SND1: variants seen among roughly 807,000 people sequenced by gnomAD.
SND1 encodes the protein staphylococcal nuclease and tudor domain containing 1, also known as staphylococcal nuclease domain-containing protein 1.
A neutral mutation model predicts 121.7 loss-of-function variants in SND1; 38 were observed. The observed-to-expected ratio is 0.31, with a 90% confidence interval of 0.24 to 0.41. SND1 has a LOEUF of 0.41. Among genes scored for constraint, SND1 ranks in the 10% least tolerant of loss-of-function variants. The pLI is 1.00. For missense variants in SND1, 868 were observed against 1,184.6 expected (o/e 0.73, Z 3.92); for synonymous variants, 401 against 447.4 (o/e 0.90, Z 1.31).
At chr7:127,682,901 C>T (rs941002293) in intron 1 of SND1, among the ~76,000 whole-genome samples, 1 of 152,134 alleles carries the variant, frequency 6.6e-6, no homozygotes, top group African/African-American at 2.4e-5. Flanking sequence ...AAAATTATAA[C>T]AATAATCAAC....
chr7:127,942,575 G>A (rs1052830418), intron 15 of SND1, among the ~76,000 whole-genome samples: 17 of 152,270 alleles, frequency 1.1e-4, no homozygotes, highest in African/African-American at 3.6e-4. Context: ...GTCTGTGTTT[G>A]TGCCATTTTG....
intron 12 of SND1, among the ~76,000 whole-genome samples, chr7:127,876,487 G>C (rs1008183686): frequency 2.6e-5 from 4 of 152,172 alleles, no homozygotes; most frequent in African/African-American, 4.8e-5. Context: ...GGTGCTGAGA[G>C]TATGATGGTC....
intron 3 of SND1, among the ~76,000 whole-genome samples, chr7:127,697,792 G>T (rs1180022903): frequency 6.6e-6 from 1 of 152,186 alleles, no homozygotes; most frequent in Admixed American, 6.5e-5. Context: ...GTGGGGCGGT[G>T]TATGTACCTG....
intron 16 of SND1, among the ~76,000 whole-genome samples, chr7:128,058,230 C>T (rs1314127684): frequency 1.3e-5 from 2 of 152,280 alleles, no homozygotes; most frequent in Admixed American, 6.5e-5. Context: ...CCTAGGTACA[C>T]TCAACATACG....
intron 10 of SND1, among the ~76,000 whole-genome samples, chr7:127,739,395 T>G (rs1354293599): frequency 6.6e-6 from 1 of 152,164 alleles, no homozygotes; most frequent in Non-Finnish European, 1.5e-5. Flanking sequence ...TTTATTTATT[T>G]TATTGTCTTT....
chr7:127,862,316 G>A (rs1418763847), intron 12 of SND1, among the ~76,000 whole-genome samples: 1 of 152,182 alleles, frequency 6.6e-6, no homozygotes, highest in Admixed American at 6.5e-5. Flanking sequence ...TTGATTACCA[G>A]GACTCTCGTC....
At chr7:127,977,717 A>G (rs2116896205) in intron 15 of SND1, among the ~76,000 whole-genome samples, 1 of 152,322 alleles carries the variant, frequency 6.6e-6, no homozygotes, top group South Asian at 2.1e-4. Flanking sequence ...AGGTAGATCG[A>G]TCAGAAGATT....
chr7:128,009,764 T>A (rs981762604), intron 16 of SND1, among the ~76,000 whole-genome samples: 3 of 147,766 alleles, frequency 2.0e-5, no homozygotes, highest in African/African-American at 7.3e-5. Flanking sequence ...GAGTGTGTTT[T>A]CTCAATAACT....
intron 1 of SND1, 71 bp downstream of exon 1, chr7:127,652,522 C>A: frequency 7.9e-7 from 1 of 1,267,356 alleles, no homozygotes; most frequent in Non-Finnish European, 1.1e-6. Context: ...ACTCCACCTT[C>A]CGCCAGCCTG....
intron 10 of SND1, among the ~76,000 whole-genome samples, chr7:127,746,735 A>T (rs1038839697): frequency 1.3e-5 from 2 of 152,140 alleles, no homozygotes; most frequent in African/African-American, 4.8e-5. Context: ...CTTAGGCTAG[A>T]AAACTGATGT....
At chr7:127,764,056 A>AAAAC (rs1554422864) in intron 10 of SND1, among the ~76,000 whole-genome samples, 3,230 of 134,818 alleles carry the variant, frequency 0.024, 121 homozygotes, top group Middle Eastern at 0.049. Flanking sequence ...AAAAAAACAA[A>AAAAC]AAAACAAAAA....
intron 1 of SND1, among the ~76,000 whole-genome samples, chr7:127,653,795 G>C (rs1400772048): frequency 6.6e-6 from 1 of 152,208 alleles, no homozygotes; most frequent in Non-Finnish European, 1.5e-5. Context: ...AGATTCTTGG[G>C]ATTTTCAGTA....
At chr7:128,064,044 T>A (rs911318704) in intron 16 of SND1, among the ~76,000 whole-genome samples, 6 of 148,344 alleles carry the variant, frequency 4.0e-5, no homozygotes, top group Non-Finnish European at 9.0e-5. Context: ...GATTGGGAAA[T>A]TTTTTTTTTT....
chr7:127,926,989 G>A (rs571421971), intron 14 of SND1, among the ~76,000 whole-genome samples: 14 of 152,208 alleles, frequency 9.2e-5, no homozygotes, highest in African/African-American at 3.1e-4. Flanking sequence ...GAATAGAGCT[G>A]TTGAGTTGTG....
intron 15 of SND1, among the ~76,000 whole-genome samples, chr7:127,941,831 T>G (rs1369309162): frequency 6.6e-6 from 1 of 152,020 alleles, no homozygotes; most frequent in Admixed American, 6.6e-5. Context: ...TATTTTAGTC[T>G]CTTTTTTAGC....
At chr7:127,875,255 A>G (rs1799667852) in intron 12 of SND1, among the ~76,000 whole-genome samples, 1 of 152,110 alleles carries the variant, frequency 6.6e-6, no homozygotes, top group Non-Finnish European at 1.5e-5. Context: ...GCCAATAAAT[A>G]TTTATTGAGT....
intron 16 of SND1, among the ~76,000 whole-genome samples, chr7:128,022,204 CAAAA>C (rs58371490): frequency 2.7e-5 from 2 of 74,148 alleles, no homozygotes; most frequent in African/African-American, 4.3e-5. Flanking sequence ...GACTCTCTCT[CAAAA>C]AAAAAAAAAA....
At chr7:127,707,436 A>G (rs1796220544) in intron 8 of SND1, 121 bp from the exon 9 acceptor site, 1 of 659,306 alleles carries the variant, frequency 1.5e-6, no homozygotes, top group Non-Finnish European at 2.7e-6. Context: ...TTTGACTGGT[A>G]GTCTTTCTTC....
intron 15 of SND1, among the ~76,000 whole-genome samples, chr7:127,943,604 G>T (rs1032341294): frequency 3.9e-5 from 6 of 152,286 alleles, no homozygotes; most frequent in African/African-American, 1.4e-4. Context: ...CTGGTCAGCT[G>T]TGCCTATGAG....
Sources: allele counts gnomAD v4.1 joint callset (sites outside exome capture counted in the v4.1 genomes callset), GRCh38; gene constraint gnomAD v4.1.1; transcripts MANE v1.5; gene names NCBI Gene and HGNC (gene_info 2026-07-23, HGNC 2026-07-21).